ACACA: variants seen among roughly 807,000 people sequenced by gnomAD.
ACACA encodes acetyl-CoA carboxylase 1.
In ACACA, 103 loss-of-function variants were observed where a neutral mutation model predicts 296.1. The observed-to-expected ratio is 0.35, with a 90% CI of 0.30 to 0.41. The LOEUF is 0.41. Ranked by LOEUF, ACACA falls within the 10% of genes least tolerant of loss-of-function variation. The pLI, the probability that ACACA is intolerant of heterozygous loss-of-function variation, is 1.00. For synonymous variants in ACACA, 953 were observed against 1,038.6 expected, an observed-to-expected ratio of 0.92 and a Z score of 1.58; for missense variants, 1,554 against 2,989.7, an observed-to-expected ratio of 0.52 and a Z score of 11.20.
chr17:37,239,818 C>A (rs559976495), intron 24 of ACACA, among the ~76,000 whole-genome samples: 2 of 152,216 alleles, frequency 1.3e-5, no homozygotes, highest in East Asian at 3.9e-4. Flanking sequence ...GCATAGGCTG[C>A]TTTTAAAGGA....
chr17:37,288,883 G>A (rs951060172), intron 3 of ACACA, among the ~76,000 whole-genome samples: 3 of 151,978 alleles, frequency 2.0e-5, no homozygotes, highest in Non-Finnish European at 4.4e-5. Context: ...AGGTGACAGA[G>A]TGAGATCCTG....
intron 1 of ACACA, among the ~76,000 whole-genome samples, chr17:37,346,459 T>G (rs2048624116): frequency 6.6e-6 from 1 of 152,006 alleles, no homozygotes; most frequent in African/African-American, 2.4e-5. Flanking sequence ...CCCAGCACTT[T>G]GGGAGGCCAA....
At position 37,274,218 on chromosome 17, in the gene ACACA, A is replaced by G. The variant is rs762700677; in HGVS notation, c.983T>C (p.Val328Ala). ...VPQELYEKGY[V>A]KDVDDGLQAA... Reference sequence around the variant, plus strand: ...CTGTAGCCCATCATCCACATCTTTCACATAACCTTTTTCATATAGCTCCTG... The same window carrying G: ...CTGTAGCCCATCATCCACATCTTTCGCATAACCTTTTTCATATAGCTCCTG... The change falls in exon 9 of 56, where the codon GTG becomes GCG. Residue 328 changes from valine (V) to alanine (A), a missense_variant. By Grantham distance (64) the Val-to-Ala change is moderately conservative. Around this residue, in one of 16 missense-constraint regions of ACACA, gnomAD observed 47 missense variants for 55.4 expected, o/e 0.85. Coordinates refer to ENST00000616317, the MANE Select transcript of ACACA (RefSeq NM_198834.3). 2 of 1,613,998 alleles carry G rather than the reference A, an allele frequency of 1.2e-6. No homozygotes were observed. The highest frequency in any genetic ancestry group is 1.1e-5 in the South Asian group (1 of 91,074).
chr17:37,177,163 A>G (rs1415784597), intron 41 of ACACA, among the ~76,000 whole-genome samples: 1 of 152,078 alleles, frequency 6.6e-6, no homozygotes, highest in African/African-American at 2.4e-5. Flanking sequence ...TAGATCTACT[A>G]CTAGTCATAG....
intron 1 of ACACA, chr17:37,359,126 A>T (rs1380688164): frequency 2.0e-6 from 2 of 985,400 alleles, no homozygotes; most frequent in South Asian, 4.7e-5. Context: ...GGCCCGGCAC[A>T]CGGAGAAGGG....
intron 28 of ACACA, among the ~76,000 whole-genome samples, chr17:37,222,329 C>T (rs1056954988): frequency 2.0e-5 from 3 of 152,126 alleles, no homozygotes; most frequent in African/African-American, 7.2e-5. Context: ...TCCCCGACTT[C>T]CCCACCCGCT....
chr17:37,166,320 G>A (rs1017195070), intron 41 of ACACA, among the ~76,000 whole-genome samples: 9 of 151,262 alleles, frequency 5.9e-5, no homozygotes, highest in African/African-American at 2.2e-4. Flanking sequence ...TTTATTTTTT[G>A]TAGAGATGGG....
intron 25 of ACACA, among the ~76,000 whole-genome samples, chr17:37,232,812 A>G (rs187889988): frequency 2.2e-3 from 335 of 152,150 alleles, no homozygotes; most frequent in African/African-American, 7.9e-3. Context: ...ATGACACCAA[A>G]ATAAAGAAAG....
At chr17:37,166,359 G>A (rs900043846) in intron 41 of ACACA, among the ~76,000 whole-genome samples, 6 of 151,526 alleles carry the variant, frequency 4.0e-5, no homozygotes, top group Non-Finnish European at 7.4e-5. Context: ...GGCTGGTCTT[G>A]AACTCCTGGA....
In ACACA at chr17:37,406,685, A is replaced by G. The variant is rs1220183291; in HGVS notation, c.-386T>C. On this transcript the variant is annotated 5_prime_UTR_variant, in exon 1 of 56. The change abolishes the stop of an existing upstream ORF in the 5' untranslated region. Coordinates refer to ENST00000616317, the MANE Select transcript of ACACA (RefSeq NM_198834.3). The stretch of plus-strand genomic sequence containing the variant: ...GGGCAAAGTGATTACTGGTCGGATC[A>G]AAAGTCAGGCAAGCGGCTCAGCCCC... The G allele has an allele frequency of 2.7e-6, 1 of 370,940 alleles. No individual in the cohort carries two copies. Among genetic ancestry groups the G allele is most frequent in the African/African-American group, 2.1e-5 (1 of 48,174 alleles). 23.0% of individuals were successfully genotyped at this position (370,940 alleles called of 1,614,324 possible).
intron 1 of ACACA, among the ~76,000 whole-genome samples, chr17:37,365,286 T>TA (rs1182082251): frequency 1.3e-5 from 2 of 152,182 alleles, no homozygotes; most frequent in Non-Finnish European, 2.9e-5. Context: ...TTAGGATATA[T>TA]TTTTTTGTCT....
intron 38 of ACACA, among the ~76,000 whole-genome samples, chr17:37,190,854 G>A (rs187956692): frequency 3.3e-4 from 51 of 152,258 alleles, no homozygotes; most frequent in Non-Finnish European, 6.6e-4. Context: ...AAAAGAAAAT[G>A]TTTTCATGTT....
intron 45 of ACACA, among the ~76,000 whole-genome samples, chr17:37,142,873 T>G (rs7211430): frequency 0.18 from 27,260 of 152,196 alleles, 3,192 homozygotes; most frequent in East Asian, 0.46. Flanking sequence ...AACATTTTCT[T>G]GAAGAAATTT....
chr17:37,173,965 C>T (rs2076971071), intron 41 of ACACA, among the ~76,000 whole-genome samples: 1 of 113,634 alleles, frequency 8.8e-6, no homozygotes, highest in African/African-American at 3.2e-5. Flanking sequence ...AGGCGCCTGC[C>T]AACACGCCTG....
intron 5 of ACACA, among the ~76,000 whole-genome samples, chr17:37,281,029 T>TA (rs2082499971): frequency 6.6e-6 from 1 of 151,766 alleles, no homozygotes; most frequent in African/African-American, 2.4e-5. Context: ...TGGTTAGACA[T>TA]AATCTCTTTC....
At chr17:37,139,002 C>G (rs2075445858) in intron 45 of ACACA, among the ~76,000 whole-genome samples, 1 of 151,686 alleles carries the variant, frequency 6.6e-6, no homozygotes, top group East Asian at 1.9e-4. Context: ...GGGTGATAAG[C>G]TAATTTACTT....
chr17:37,299,664 G>A, intron 3 of ACACA: 3 of 1,086,692 alleles, frequency 2.8e-6, no homozygotes, highest in Non-Finnish European at 3.4e-6. Context: ...TAACTAGAAA[G>A]TAGATCTTAG....
At chr17:37,297,853 C>G (rs2083430913) in intron 3 of ACACA, among the ~76,000 whole-genome samples, 1 of 151,852 alleles carries the variant, frequency 6.6e-6, no homozygotes, top group African/African-American at 2.4e-5. Context: ...CGTGCCCAGC[C>G]TATATATACA....
chr17:37,198,916 T>C (rs539827740), intron 35 of ACACA, among the ~76,000 whole-genome samples: 2 of 152,334 alleles, frequency 1.3e-5, no homozygotes, highest in East Asian at 3.9e-4. Context: ...CAAGCAAGGC[T>C]TAACAACCAA....
Sources: allele counts gnomAD v4.1 joint callset (sites outside exome capture counted in the v4.1 genomes callset), GRCh38; gene constraint gnomAD v4.1.1; regional missense constraint gnomAD v4.1.1; transcripts MANE v1.5; gene names NCBI Gene and HGNC (gene_info 2026-07-23, HGNC 2026-07-21).